The following EVI2A variants were observed in gnomAD, a reference collection of about 807,000 sequenced individuals.
EVI2A encodes the protein protein EVI2A.
A neutral mutation model predicts 13.0 loss-of-function variants in EVI2A; 11 were observed. The observed-to-expected ratio is 0.85, with a 90% CI of 0.53 to 1.40. The LOEUF (loss-of-function observed/expected upper bound fraction) is 1.40, where lower values mean the gene tolerates loss of function less well. EVI2A is among the 40% of genes most tolerant of loss of function. The pLI is 0.00. For missense variants in EVI2A, 267 were observed against 279.5 expected, an observed-to-expected ratio of 0.96 and a Z score of 0.32; for synonymous variants, 89 against 98.0, an observed-to-expected ratio of 0.91 and a Z score of 0.54.
chr17:31,319,701 CTG>C (rs1268056422), intron 1 of EVI2A, among the ~76,000 whole-genome samples: 1 of 149,138 alleles, frequency 6.7e-6, no homozygotes, highest in Non-Finnish European at 1.5e-5. Flanking sequence ...CCTGGACTGA[CTG>C]TGTCTTTCTG....
chr17:31,317,665 C>T lies in EVI2A; in HGVS notation c.*638G>A, dbSNP rs943262284. 3 of 152,026 alleles carry T rather than the reference C, an allele frequency of 2.0e-5. No individual in the cohort carries two copies. Among genetic ancestry groups the T allele is most frequent in the Non-Finnish European group, 4.4e-5 (3 of 67,980 alleles). 9.4% of individuals were successfully genotyped at this position (152,026 alleles called of 1,614,324 possible). On this transcript the variant is annotated 3_prime_UTR_variant, in exon 2 of 2. Transcript: ENST00000462804. ...TAAAGTGAATGCAAATATACGTGGT[C>T]ACAGGTTTATTCTGAGTTTTAATTT... is the stretch of plus-strand genomic sequence containing the variant.
rs1275683620 is a variant in EVI2A at position 31,317,691 on chromosome 17, A to G, written c.*612T>C. On this transcript the variant is annotated 3_prime_UTR_variant, in exon 2 of 2. Coordinates refer to ENST00000462804, the MANE Select transcript of EVI2A (RefSeq NM_014210.4). ...ACAGGTTTATTCTGAGTTTTAATTT[A>G]TTATACAAAAGTAAAGGTTTTAATT... 3.3e-5 allele frequency: 5 copies of G among 152,220 alleles called. No individual in the cohort carries two copies. The highest frequency in any genetic ancestry group is 9.6e-5 in the African/African-American group (4 of 41,456). 9.4% of individuals were successfully genotyped at this position (152,220 alleles called of 1,614,324 possible). A position where few individuals can be genotyped will look rare whatever the true frequency, so the allele number is the denominator to read the frequency against.
chr17:31,319,173 A>G (rs2069112193), intron 1 of EVI2A, 150 bp from the exon 2 acceptor site: 1 of 814,088 alleles, frequency 1.2e-6, no homozygotes, highest in South Asian at 1.9e-5. Context: ...TCTCAACTAA[A>G]TTTCTTTTCT....
Position 31,319,014 on chromosome 17 carries a change from G to C in EVI2A, c.-1C>G, listed in dbSNP as rs1129506. 3.4e-5 allele frequency: 54 copies of C among 1,591,258 alleles called. No individual in the cohort carries two copies. The Admixed American group carries it at 4.6e-4, about 14-fold the overall frequency. ...CTGTGTGTTCCATGTCCGTGGGCATGCTTGGCAATCTGTTGGGATAGCAAT... is the reference window on the plus strand; with the variant it reads ...CTGTGTGTTCCATGTCCGTGGGCATCCTTGGCAATCTGTTGGGATAGCAAT... On this transcript the variant is annotated 5_prime_UTR_variant, in exon 2 of 2. Coordinates refer to ENST00000462804, the MANE Select transcript of EVI2A (RefSeq NM_014210.4).
rs1018794119 is a variant in EVI2A at position 31,317,953 on chromosome 17, T to C, written c.*350A>G. The C allele has an allele frequency of 9.1e-6, 2 of 218,842 alleles. No homozygotes were observed. Among genetic ancestry groups the C allele is most frequent in the African/African-American group, 4.7e-5 (2 of 42,684 alleles). 13.6% of individuals were successfully genotyped at this position (218,842 alleles called of 1,614,324 possible). On this transcript the variant is annotated 3_prime_UTR_variant, in exon 2 of 2. Coordinates refer to ENST00000462804, the MANE Select transcript of EVI2A (RefSeq NM_014210.4). Reference sequence around the variant, plus strand: ...GGACACACTAAAACTATTCAAAGTTTAATTACATTCAGACAAAGATCATCT... The same window carrying C: ...GGACACACTAAAACTATTCAAAGTTCAATTACATTCAGACAAAGATCATCT...
At chr17:31,319,978 A>T (rs1401348609) in intron 1 of EVI2A, among the ~76,000 whole-genome samples, 1 of 152,082 alleles carries the variant, frequency 6.6e-6, no homozygotes, top group Non-Finnish European at 1.5e-5. Context: ...GAAAATGTTG[A>T]ATTTCCGCTT....
Position 31,321,557 on chromosome 17 carries a change from G to A in EVI2A, c.-73C>T, listed in dbSNP as rs1469163856. 6.6e-6 allele frequency: 1 copy of A among 152,104 alleles called. No individual in the cohort carries two copies. The highest frequency in any genetic ancestry group is 1.5e-5 in the Non-Finnish European group (1 of 68,008). The allele number at this position is 152,104 out of a possible 1,614,324, so 9.4% of individuals were successfully genotyped here. A position where few individuals can be genotyped will look rare whatever the true frequency, so the allele number is the denominator to read the frequency against. ...ATTTTGATAAACCACTTCTTTTCTT[G>A]TCTTCTTTTTAAAGCAGAATAGACT... On this transcript the variant is annotated 5_prime_UTR_variant, in exon 1 of 2. Coordinates refer to ENST00000462804, the MANE Select transcript of EVI2A (RefSeq NM_014210.4).
At chr17:31,320,334 C>A (rs1477733957) in intron 1 of EVI2A, 5 of 1,460,798 alleles carry the variant, frequency 3.4e-6, no homozygotes, top group East Asian at 2.4e-5. Context: ...ACTTAGGAGT[C>A]CTTTTATTTA....
At chr17:31,320,495 A>G in intron 1 of EVI2A, 5 of 1,401,752 alleles carry the variant, frequency 3.6e-6, no homozygotes, top group South Asian at 2.4e-5. Context: ...GTTATATGTC[A>G]TTGGCTGACA....
At chr17:31,320,940 A>T (rs1482334717) in intron 1 of EVI2A, 1 of 152,664 alleles carries the variant, frequency 6.6e-6, no homozygotes, top group Non-Finnish European at 1.5e-5. Flanking sequence ...ATTGGTACAC[A>T]TTTTAACAGT....
In EVI2A at chr17:31,316,684, C is replaced by T. The variant is rs1271365611; in HGVS notation, c.*1619G>A. On this transcript the variant is annotated 3_prime_UTR_variant, in exon 2 of 2. Coordinates refer to ENST00000462804, the MANE Select transcript of EVI2A (RefSeq NM_014210.4). Reference sequence around the variant, plus strand: ...ATTTCTAATCTGGGTTATTTTTCCCCTCAAAAGATAACCTGATTTCAGTCA... The same window carrying T: ...ATTTCTAATCTGGGTTATTTTTCCCTTCAAAAGATAACCTGATTTCAGTCA... 6.6e-6 allele frequency among the ~76,000 whole-genome samples: 1 copy of T among 152,086 alleles called. No individual in the cohort carries two copies. Among genetic ancestry groups the T allele is most frequent in the Non-Finnish European group, 1.5e-5 (1 of 68,018 alleles).
rs566363619 is a variant in EVI2A, at chr17:31,317,371, A to G, written c.*932T>C. On this transcript the variant is annotated 3_prime_UTR_variant, in exon 2 of 2. Transcript: ENST00000462804. Reference sequence around the variant, plus strand: ...AGTATGCAGTTTTCCAGATTTGAACACACACACACACACACACACACACAC... The same window carrying G: ...AGTATGCAGTTTTCCAGATTTGAACGCACACACACACACACACACACACAC... Among the ~76,000 whole-genome samples, 9 of 115,568 alleles carry G rather than the reference A, an allele frequency of 7.8e-5. No homozygotes were observed. The highest frequency in any genetic ancestry group is 1.3e-4 in the African/African-American group (3 of 22,396). The allele number at this position is 115,568 out of a possible 152,430, so 75.8% of individuals were successfully genotyped here. A position where few individuals can be genotyped will look rare whatever the true frequency, so the allele number is the denominator to read the frequency against.
intron 1 of EVI2A, chr17:31,320,417 A>C (rs768583648): frequency 2.5e-6 from 4 of 1,611,218 alleles, no homozygotes; most frequent in Non-Finnish European, 3.4e-6. Context: ...TTCCAAACCA[A>C]CTCCTAAGCA....
At chr17:31,320,396 A>T (rs1447772645) in intron 1 of EVI2A, 1 of 1,610,606 alleles carries the variant, frequency 6.2e-7, no homozygotes, top group Admixed American at 1.7e-5. Context: ...GTAGGGCCTG[A>T]AAGTCTTTGT....
chr17:31,320,784 C>T (rs3785955), intron 1 of EVI2A, among the ~76,000 whole-genome samples: 76,185 of 151,984 alleles, frequency 0.5, 20,854 homozygotes, highest in Non-Finnish European at 0.62. Context: ...CATGATTCTT[C>T]CACAAAAAGA....
chr17:31,318,223 A>AC lies in EVI2A; in HGVS notation c.*79dup. 6.6e-7 allele frequency: 1 copy of AC among 1,511,982 alleles called. No homozygotes were observed. The highest frequency in any genetic ancestry group is 8.8e-7 in the Non-Finnish European group (1 of 1,131,436). The allele number at this position is 1,511,982 out of a possible 1,614,324, so 93.7% of individuals were successfully genotyped here. A position where few individuals can be genotyped will look rare whatever the true frequency, so the allele number is the denominator to read the frequency against. On this transcript the variant is annotated 3_prime_UTR_variant, in exon 2 of 2. Coordinates refer to ENST00000462804, the MANE Select transcript of EVI2A (RefSeq NM_014210.4). ...CCATGTCAAATTTTAGATAATCAGA[A>AC]CAACACTTTGGGATTAAATACCAAC...
rs1180324399 is a variant in EVI2A, at chr17:31,318,337, CCTT to C, written c.674_676del (p.Glu225del). 3.7e-5 allele frequency: 60 copies of C among 1,609,334 alleles called. No individual in the cohort carries two copies. Among genetic ancestry groups the C allele is most frequent in the Non-Finnish European group, 4.8e-5 (57 of 1,178,792 alleles). On this transcript the variant is annotated inframe_deletion, in exon 2 of 2. Transcript: ENST00000462804. ...CTGTTTGTTAGTAAGTTTTTCAGTT[CCTT>C]CTTCATCTTTTCTTTCCCTTGTAGC... is the stretch of plus-strand genomic sequence containing the variant.
rs936519624 is a variant in EVI2A at position 31,318,241 on chromosome 17, A to G, written c.*62T>C. 75 of 1,532,020 alleles carry G rather than the reference A, an allele frequency of 4.9e-5. 1 individual carries two copies. The South Asian group carries it at 9.5e-4, about 19-fold the overall frequency. 94.9% of individuals were successfully genotyped at this position (1,532,020 alleles called of 1,614,324 possible). A position where few individuals can be genotyped will look rare whatever the true frequency, so the allele number is the denominator to read the frequency against. On this transcript the variant is annotated 3_prime_UTR_variant, in exon 2 of 2. Coordinates refer to ENST00000462804, the MANE Select transcript of EVI2A (RefSeq NM_014210.4). ...AATCAGAACAACACTTTGGGATTAAATACCAACTGACTTCATTTTTACTCC... is the reference window on the plus strand; with the variant it reads ...AATCAGAACAACACTTTGGGATTAAGTACCAACTGACTTCATTTTTACTCC...
Position 31,318,076 on chromosome 17 carries a change from TTA to T in EVI2A, c.*225_*226del, listed in dbSNP as rs2069071949. 2.1e-6 allele frequency: 1 copy of T among 486,816 alleles called. No homozygotes were observed. The highest frequency in any genetic ancestry group is 2.0e-5 in the African/African-American group (1 of 49,750). The allele number at this position is 486,816 out of a possible 1,614,324, so 30.2% of individuals were successfully genotyped here. A position where few individuals can be genotyped will look rare whatever the true frequency, so the allele number is the denominator to read the frequency against. Reference sequence around the variant, plus strand: ...TATCCTTAAAATTTTCCTCAAATGCTTAGTTATTTTATTATTTGCTTTTTAAA... The same window carrying T: ...TATCCTTAAAATTTTCCTCAAATGCTGTTATTTTATTATTTGCTTTTTAAA... On this transcript the variant is annotated 3_prime_UTR_variant, in exon 2 of 2. Coordinates refer to ENST00000462804, the MANE Select transcript of EVI2A (RefSeq NM_014210.4).
Sources: gnomAD v4.1 joint callset for allele counts (sites outside exome capture counted in the v4.1 genomes callset) on GRCh38, gnomAD v4.1.1 for gene constraint, MANE v1.5 for transcripts, NCBI Gene and HGNC (gene_info 2026-07-23, HGNC 2026-07-21) for gene names.